The following KDM4C variants were observed in gnomAD, a reference collection of about 807,000 sequenced individuals.
KDM4C encodes lysine demethylase 4C.
Under a neutral mutation model 129.3 loss-of-function variants are expected in KDM4C, and 81 were observed. That is an observed-to-expected ratio of 0.63 (90% confidence interval 0.52 to 0.75). KDM4C has a LOEUF of 0.75. KDM4C is among the 30% of genes least tolerant of loss of function. The pLI is 0.00. For synonymous variants in KDM4C, 573 were observed against 456.1 expected (o/e 1.26, Z -3.26); for missense variants, 1,457 against 1,304.0 (o/e 1.12, Z -1.81).
At chr9:6,975,553 C>G (rs944727453) in intron 8 of KDM4C, among the ~76,000 whole-genome samples, 1 of 152,114 alleles carries the variant, frequency 6.6e-6, no homozygotes, top group Non-Finnish European at 1.5e-5. Flanking sequence ...CTGCGCCTGT[C>G]TCTGTTTCTT....
chr9:6,880,134 G>A (rs1844210168), intron 6 of KDM4C, 73 bp downstream of exon 6: 18 of 970,264 alleles, frequency 1.9e-5, no homozygotes, highest in Non-Finnish European at 2.8e-5. Flanking sequence ...TTGTTTTTGA[G>A]GTACTTTTTA....
At chr9:6,938,198 A>G (rs1274107975) in intron 8 of KDM4C, among the ~76,000 whole-genome samples, 3 of 151,958 alleles carry the variant, frequency 2.0e-5, no homozygotes, top group African/African-American at 4.8e-5. Context: ...TGTGTATATA[A>G]TATTTAATAT....
At chr9:7,170,854 A>C (rs1157005947) in intron 21 of KDM4C, 4 of 720,848 alleles carry the variant, frequency 5.5e-6, no homozygotes, top group Non-Finnish European at 6.8e-6. Flanking sequence ...CCTGGGCCAT[A>C]CTTGAAGAAG....
At chr9:6,723,489 C>G (rs1363013972) in intron 1 of KDM4C, 1 of 152,302 alleles carries the variant, frequency 6.6e-6, no homozygotes, top group Non-Finnish European at 1.5e-5. Flanking sequence ...CACCCCCGAT[C>G]TCTTCCTCTC....
Position 7,133,268 on chromosome 9 carries a change from T to C in KDM4C, c.2781+5032T>C, listed in dbSNP as rs143601046. On this transcript the variant is annotated intron_variant, in intron 19 of 21. Coordinates refer to ENST00000381309, the MANE Select transcript of KDM4C (RefSeq NM_015061.6). ...AGTTTATACTAACCTTTTCTGGTCT[T>C]GAAATTTGGAGTTAGAAGATGTGTC... 2.0e-3 allele frequency among the ~76,000 whole-genome samples: 308 copies of C among 152,306 alleles called. 1 individual carries two copies. Among genetic ancestry groups the C allele is most frequent in the Non-Finnish European group, 3.9e-3 (265 of 68,028 alleles).
chr9:7,050,152 G>A (rs969513298), intron 17 of KDM4C, among the ~76,000 whole-genome samples: 10 of 152,054 alleles, frequency 6.6e-5, no homozygotes, highest in African/African-American at 2.4e-4. Flanking sequence ...TTTCGGAGAA[G>A]TGAAAGTGAA....
chr9:7,170,153 T>C, intron 21 of KDM4C: 3 of 1,341,430 alleles, frequency 2.2e-6, no homozygotes, highest in Non-Finnish European at 1.9e-6. Context: ...TGCACAAAAA[T>C]ACTTACTGAA....
At chr9:7,163,843 C>CA (rs1483223647) in intron 19 of KDM4C, among the ~76,000 whole-genome samples, 1 of 152,144 alleles carries the variant, frequency 6.6e-6, no homozygotes. Context: ...AAGTTAGATG[C>CA]ATATTGTCAG....
rs77971354 is a variant in KDM4C, at chr9:7,116,590, A to G, written c.2611-11476A>G. On this transcript the variant is annotated intron_variant, in intron 18 of 21. Coordinates refer to ENST00000381309, the MANE Select transcript of KDM4C (RefSeq NM_015061.6). ...TACGTGGGTCCACTCAGTTAACACT[A>G]GACAATCTGACAGATGGATTTAGTT... Among the ~76,000 whole-genome samples the G allele has an allele frequency of 1.9e-3, 286 of 152,302 alleles. 1 individual carries two copies. Among genetic ancestry groups the G allele is most frequent in the African/African-American group, 6.5e-3 (270 of 41,572 alleles).
At chr9:7,032,619 C>T (rs956006416) in intron 15 of KDM4C, among the ~76,000 whole-genome samples, 4 of 152,172 alleles carry the variant, frequency 2.6e-5, no homozygotes, top group African/African-American at 9.6e-5. Flanking sequence ...TCAGAAGCCT[C>T]GTTTTACAAC....
intron 8 of KDM4C, among the ~76,000 whole-genome samples, chr9:6,910,660 C>G (rs1369484715): frequency 6.6e-6 from 1 of 152,164 alleles, no homozygotes; most frequent in East Asian, 1.9e-4. Flanking sequence ...CAGAGCATGC[C>G]AAGGCACCAG....
intron 20 of KDM4C, among the ~76,000 whole-genome samples, chr9:7,166,096 T>G (rs1844355191): frequency 6.6e-6 from 1 of 152,162 alleles, no homozygotes; most frequent in South Asian, 2.1e-4. Flanking sequence ...GCCAATACAT[T>G]GTAGAATTTT....
chr9:7,149,769 T>C (rs1403005400), intron 19 of KDM4C, among the ~76,000 whole-genome samples: 2 of 152,208 alleles, frequency 1.3e-5, no homozygotes, highest in African/African-American at 4.8e-5. Context: ...TTTGGTCAGC[T>C]CATTGGTCAG....
chr9:6,795,667 ATT>A (rs1007341766), intron 2 of KDM4C, among the ~76,000 whole-genome samples: 2 of 148,770 alleles, frequency 1.3e-5, no homozygotes, highest in Admixed American at 1.3e-4. Context: ...TTCCTAGAAA[ATT>A]TTTTTTTTTT....
At chr9:7,078,929 G>A (rs911672953) in intron 17 of KDM4C, among the ~76,000 whole-genome samples, 3 of 152,156 alleles carry the variant, frequency 2.0e-5, no homozygotes, top group Non-Finnish European at 4.4e-5. Context: ...ACAAAGCAAA[G>A]TTTGCTTATA....
chr9:6,868,030 C>T (rs867493813), intron 5 of KDM4C, among the ~76,000 whole-genome samples: 4 of 152,090 alleles, frequency 2.6e-5, no homozygotes, highest in African/African-American at 7.2e-5. Flanking sequence ...ATGAAAGTTT[C>T]TGCAGAATCT....
chr9:7,148,338 A>C (rs2130052345), intron 19 of KDM4C, among the ~76,000 whole-genome samples: 1 of 152,228 alleles, frequency 6.6e-6, no homozygotes, highest in South Asian at 2.1e-4. Context: ...CCGGGGGGCC[A>C]TGTTTCAGCC....
intron 8 of KDM4C, among the ~76,000 whole-genome samples, chr9:6,970,989 T>G (rs1029243105): frequency 6.6e-6 from 1 of 152,198 alleles, no homozygotes; most frequent in Non-Finnish European, 1.5e-5. Context: ...CATTTTGATT[T>G]AATGGATAGC....
rs978229049 is a variant in KDM4C, at chr9:6,984,181, G to A, written c.1131G>A (p.Arg377=). The A allele has an allele frequency of 1.2e-6, 2 of 1,613,076 alleles. No homozygotes were observed. The highest frequency in any genetic ancestry group is 2.7e-5 in the African/African-American group (2 of 74,898). ...TTGTTGACAGCTTCCAGTGTGCTAG[G>A]TCTACCTCTAAAAGGCCTAAGGCTG... ...RKASRSFQCA[R]STSKRPKADE... Residue 377 remains arginine (R), a synonymous_variant, in exon 10 of 22, where the codon AGG becomes AGA. Coordinates refer to ENST00000381309, the MANE Select transcript of KDM4C (RefSeq NM_015061.6).
Sources: gnomAD v4.1 joint callset for allele counts (sites outside exome capture counted in the v4.1 genomes callset) on GRCh38, gnomAD v4.1.1 for gene constraint, MANE v1.5 for transcripts, NCBI Gene and HGNC (gene_info 2026-07-23, HGNC 2026-07-21) for gene names.